The following SEMA3A variants were observed in gnomAD, a reference collection of about 807,000 sequenced individuals.
SEMA3A encodes the protein semaphorin 3A.
SEMA3A carries 29 observed loss-of-function variants against 97.9 expected under a neutral mutation model. The ratio of observed to expected loss-of-function variants is 0.30; its 90% CI spans 0.22 to 0.40. The LOEUF (loss-of-function observed/expected upper bound fraction) is 0.40, where lower values mean the gene tolerates loss of function less well. Ranked by LOEUF, SEMA3A falls within the 10% of genes least tolerant of loss-of-function variation. The pLI is 1.00. For synonymous variants in SEMA3A, 321 were observed against 323.7 expected (o/e 0.99, Z 0.09); for missense variants, 763 against 951.3 (o/e 0.80, Z 2.60).
chr7:84,484,545 T>TCACACACA (rs10573589), intron 1 of SEMA3A, among the ~76,000 whole-genome samples: 17 of 149,422 alleles, frequency 1.1e-4, no homozygotes, highest in Middle Eastern at 3.5e-3. Context: ...TTGTTCACTT[T>TCACACACA]CACACACACA....
At chr7:84,115,962 T>C (rs1003071006) in intron 3 of SEMA3A, among the ~76,000 whole-genome samples, 3 of 152,186 alleles carry the variant, frequency 2.0e-5, no homozygotes, top group Non-Finnish European at 2.9e-5. Flanking sequence ...TATTTAATTC[T>C]AACATACATG....
At chr7:84,086,604 A>ATATAAT (rs1382445049) in intron 4 of SEMA3A, among the ~76,000 whole-genome samples, 3 of 141,470 alleles carry the variant, frequency 2.1e-5, no homozygotes, top group African/African-American at 7.9e-5. Flanking sequence ...TTATATTTAT[A>ATATAAT]ATCCTCACAA....
At chr7:84,376,338 C>T (rs1404362853) in intron 1 of SEMA3A, among the ~76,000 whole-genome samples, 2 of 115,324 alleles carry the variant, frequency 1.7e-5, no homozygotes, top group Non-Finnish European at 3.8e-5. Context: ...CGCGGTGGCT[C>T]ACGCCTGTAA....
intron 1 of SEMA3A, among the ~76,000 whole-genome samples, chr7:84,484,264 C>T (rs915598633): frequency 6.6e-6 from 1 of 151,872 alleles, no homozygotes; most frequent in African/African-American, 2.4e-5. Context: ...ATGTAGTGTT[C>T]TTATAGTAGC....
At chr7:84,487,047 C>T (rs1010653386) in intron 1 of SEMA3A, among the ~76,000 whole-genome samples, 1 of 152,012 alleles carries the variant, frequency 6.6e-6, no homozygotes, top group African/African-American at 2.4e-5. Context: ...TGATTTCTTG[C>T]TTTAGACACA....
At chr7:84,333,060 G>C (rs1485759987) in intron 2 of SEMA3A, among the ~76,000 whole-genome samples, 1 of 152,002 alleles carries the variant, frequency 6.6e-6, no homozygotes, top group Non-Finnish European at 1.5e-5. Context: ...TACCTCCATT[G>C]ATACTATTTT....
intron 6 of SEMA3A, among the ~76,000 whole-genome samples, chr7:84,045,853 G>C (rs1035774211): frequency 3.3e-5 from 5 of 151,490 alleles, no homozygotes; most frequent in Admixed American, 2.0e-4. Context: ...TGATTTAAAA[G>C]ACATTTGAAA....
intron 1 of SEMA3A, among the ~76,000 whole-genome samples, chr7:84,450,110 G>T (rs34581735): frequency 0.11 from 16,736 of 152,038 alleles, 1,153 homozygotes; most frequent in East Asian, 0.28. Flanking sequence ...AAGTTGGATT[G>T]CAGGGTCATA....
chr7:84,258,905 ATT>A (rs200676381), intron 3 of SEMA3A, among the ~76,000 whole-genome samples: 5 of 141,338 alleles, frequency 3.5e-5, no homozygotes, highest in East Asian at 2.1e-4. Context: ...AGAAGGGATG[ATT>A]TTTTTTTTTT....
chr7:84,268,921 C>T (rs1020925060), intron 3 of SEMA3A, among the ~76,000 whole-genome samples: 6 of 152,128 alleles, frequency 3.9e-5, no homozygotes, highest in Admixed American at 3.9e-4. Context: ...CATACATGAG[C>T]CTGATCAATG....
chr7:84,194,657 A>G lies in SEMA3A; in HGVS notation c.-71T>C. On this transcript the variant is annotated 5_prime_UTR_variant, in exon 1 of 17. Coordinates refer to ENST00000265362, the MANE Select transcript of SEMA3A (RefSeq NM_006080.3). ...GTATTGTGCGGCCAGAGAAGTTCAA[A>G]CAATCTGGAAACTGGAGGTAACAGG... 3 of 948,908 alleles carry G rather than the reference A, an allele frequency of 3.2e-6. No individual in the cohort carries two copies. In the South Asian group the frequency reaches 4.2e-5, roughly 13 times the overall value. 58.8% of individuals were successfully genotyped at this position (948,908 alleles called of 1,614,324 possible).
chr7:84,407,722 C>A (rs1162539123), intron 1 of SEMA3A, among the ~76,000 whole-genome samples: 3 of 152,076 alleles, frequency 2.0e-5, no homozygotes, highest in Admixed American at 6.5e-5. Context: ...CAGAATAGAG[C>A]CCTCAGAAAT....
Position 84,194,547 on chromosome 7 carries a change from C to T in SEMA3A, c.40G>A (p.Val14Ile), listed in dbSNP as rs200028471. The T allele has an allele frequency of 1.9e-6, 3 of 1,613,418 alleles. No individual in the cohort carries two copies. Among genetic ancestry groups the T allele is most frequent in the South Asian group, 2.2e-5 (2 of 91,058 alleles). The change falls in exon 1 of 17, where the codon GTA becomes ATA. Residue 14 changes from valine (V) to isoleucine (I), a missense_variant. Val to Ile is a conservative substitution (Grantham distance 29). This residue lies in a region of SEMA3A where 85 missense variants were observed against 70.0 expected (regional missense o/e 1.21). Transcript: ENST00000265362. ...LTRIVCLFWGVLLTARANYQN... is the reference protein window; with the variant it reads ...LTRIVCLFWGILLTARANYQN... ...TAGTTTGCTCTTGCTGTAAGTAATA[C>T]TCCCCAGAAAAGACAGACAATCCTA...
In SEMA3A at chr7:84,053,558, T is replaced by G. The variant is rs1289256011; in HGVS notation, c.547+6907A>C. The stretch of plus-strand genomic sequence containing the variant: ...ACCCCTGCCTTTTTTTGTTTTCCAT[T>G]TGCTTGGTAGATCTTCCTCCATCCT... On this transcript the variant is annotated intron_variant, in intron 5 of 16. Coordinates refer to ENST00000265362, the MANE Select transcript of SEMA3A (RefSeq NM_006080.3). Among the ~76,000 whole-genome samples, 263 of 66,304 alleles carry G rather than the reference T, an allele frequency of 4.0e-3. 2 individuals carry two copies. Among genetic ancestry groups the G allele is most frequent in the African/African-American group, 0.017 (243 of 14,438 alleles). 43.5% of individuals were successfully genotyped at this position (66,304 alleles called of 152,430 possible).
intron 5 of SEMA3A, among the ~76,000 whole-genome samples, chr7:84,051,340 G>T (rs1262054121): frequency 6.6e-6 from 1 of 152,142 alleles, no homozygotes; most frequent in Non-Finnish European, 1.5e-5. Context: ...TCCTACCCAT[G>T]AGCATGGAAT....
At position 84,011,244 on chromosome 7, in the gene SEMA3A, T is replaced by C. The variant is rs1049702716; in HGVS notation, c.864A>G (p.Lys288=). The change falls in exon 8 of 17, where the codon AAA becomes AAG. Residue 288 remains lysine (K), a synonymous_variant. Coordinates refer to ENST00000265362, the MANE Select transcript of SEMA3A (RefSeq NM_006080.3). ...SLVNKWTTFL[K]ARLICSVPGP... ...CTGGCACTGAGCAAATCAGACGAGC[T>C]TTGAGGAATGTTGTCCATTTATTCA... The C allele has an allele frequency of 1.9e-6, 3 of 1,614,008 alleles. No individual in the cohort carries two copies. Among genetic ancestry groups the C allele is most frequent in the Non-Finnish European group, 1.7e-6 (2 of 1,179,910 alleles).
chr7:84,169,003 G>T (rs1479609717), intron 1 of SEMA3A, among the ~76,000 whole-genome samples: 1 of 151,556 alleles, frequency 6.6e-6, no homozygotes, highest in Non-Finnish European at 1.5e-5. Flanking sequence ...AAATGTTGAG[G>T]CTAATATAAT....
intron 5 of SEMA3A, among the ~76,000 whole-genome samples, chr7:84,050,312 TAC>T (rs1220349899): frequency 6.6e-6 from 1 of 152,230 alleles, no homozygotes; most frequent in East Asian, 1.9e-4. Context: ...TGAACTAGTT[TAC>T]AGTCCCACCA....
intron 15 of SEMA3A, among the ~76,000 whole-genome samples, chr7:83,970,958 A>G (rs1300086380): frequency 2.0e-5 from 3 of 152,248 alleles, no homozygotes; most frequent in Non-Finnish European, 2.9e-5. Context: ...CTGCAGAAAT[A>G]CAATAGATGC....
Sources: allele counts gnomAD v4.1 joint callset (sites outside exome capture counted in the v4.1 genomes callset), GRCh38; gene constraint gnomAD v4.1.1; regional missense constraint gnomAD v4.1.1; transcripts MANE v1.5; gene names NCBI Gene and HGNC (gene_info 2026-07-23, HGNC 2026-07-21).